The following SCOC variants were observed in gnomAD, a reference collection of about 807,000 sequenced individuals.
SCOC encodes the protein short coiled-coil protein.
Under a neutral mutation model 9.9 loss-of-function variants are expected in SCOC, and 7 were observed. That is an observed-to-expected ratio of 0.71 (90% confidence interval 0.40 to 1.33). The LOEUF (loss-of-function observed/expected upper bound fraction) is 1.33. SCOC is among the 40% of genes most tolerant of loss of function. The probability of loss-of-function intolerance (pLI) is 0.01; values close to 1 mark genes in which losing one functional copy is unlikely to be tolerated. For synonymous variants in SCOC, 19 were observed against 28.2 expected (o/e 0.67, Z 1.03); for missense variants, 66 against 89.7 (o/e 0.74, Z 1.07).
chr4:140,327,174 G>A (rs1023968638), intron 1 of SCOC, among the ~76,000 whole-genome samples: 2 of 152,176 alleles, frequency 1.3e-5, no homozygotes, highest in Non-Finnish European at 2.9e-5. Flanking sequence ...GTCCTCTAAG[G>A]AGTGTTAAGT....
chr4:140,317,795 C>T (rs1290285254), intron 1 of SCOC, among the ~76,000 whole-genome samples: 1 of 150,212 alleles, frequency 6.7e-6, no homozygotes, highest in Non-Finnish European at 1.5e-5. Flanking sequence ...CGCGCTGCAC[C>T]CACTAACTCG....
intron 1 of SCOC, among the ~76,000 whole-genome samples, chr4:140,325,726 G>A (rs1732624642): frequency 6.6e-6 from 1 of 152,244 alleles, no homozygotes; most frequent in Admixed American, 6.5e-5. Context: ...ATTCATTGCT[G>A]TTGAGCATAC....
intron 1 of SCOC, among the ~76,000 whole-genome samples, chr4:140,316,444 T>C (rs1011152283): frequency 1.3e-5 from 2 of 152,230 alleles, no homozygotes; most frequent in African/African-American, 4.8e-5. Context: ...CATGTTTGCA[T>C]ATAGATATAT....
At chr4:140,373,975 C>T in intron 1 of SCOC, 1 of 654,946 alleles carries the variant, frequency 1.5e-6, no homozygotes, top group Non-Finnish European at 2.8e-6. Flanking sequence ...CTCGCGGTCC[C>T]TGACGCAGAC....
upstream of SCOC, among the ~76,000 whole-genome samples, chr4:140,373,007 C>G (rs541645085): frequency 1.2e-4 from 18 of 152,314 alleles, no homozygotes; most frequent in South Asian, 8.3e-4. Context: ...TGCCTCAGTA[C>G]CACTAGGGTA....
At chr4:140,309,622 A>C (rs1194870530) in intron 1 of SCOC, among the ~76,000 whole-genome samples, 3 of 152,176 alleles carry the variant, frequency 2.0e-5, no homozygotes, top group Non-Finnish European at 4.4e-5. Flanking sequence ...TATCCAAATA[A>C]ATCTGGGCTT....
intron 2 of SCOC, among the ~76,000 whole-genome samples, chr4:140,356,449 C>A (rs1331335505): frequency 6.6e-6 from 1 of 152,202 alleles, no homozygotes; most frequent in Non-Finnish European, 1.5e-5. Flanking sequence ...TGATAATATC[C>A]TTTACAAAAA....
chr4:140,278,087 C>T (rs1731023491), intron 1 of SCOC, among the ~76,000 whole-genome samples: 2 of 152,200 alleles, frequency 1.3e-5, no homozygotes, highest in Admixed American at 1.3e-4. Context: ...TTGCCTTAGT[C>T]TGCTCCTGTT....
chr4:140,359,686 C>T (rs1183945622), intron 2 of SCOC, among the ~76,000 whole-genome samples: 1 of 152,190 alleles, frequency 6.6e-6, no homozygotes, highest in East Asian at 1.9e-4. Context: ...CAAGACGCCC[C>T]AGAAGTCTCA....
chr4:140,270,911 A>C (rs901661775), intron 1 of SCOC, among the ~76,000 whole-genome samples: 7 of 152,172 alleles, frequency 4.6e-5, no homozygotes, highest in African/African-American at 1.4e-4. Flanking sequence ...CCTGAGAAGT[A>C]AGTCATATCT....
intron 2 of SCOC, among the ~76,000 whole-genome samples, chr4:140,346,662 G>A (rs997590066): frequency 3.3e-5 from 5 of 152,206 alleles, no homozygotes; most frequent in African/African-American, 9.7e-5. Flanking sequence ...GGCAATGCCA[G>A]TAGTTACTCA....
chr4:140,284,994 ACT>A (rs1430328839), intron 1 of SCOC: 1 of 280,836 alleles, frequency 3.6e-6, no homozygotes, highest in African/African-American at 2.2e-5. Flanking sequence ...CCAATTGAAA[ACT>A]CTCATGATAA....
At chr4:140,346,048 C>T (rs897047221) in intron 2 of SCOC, among the ~76,000 whole-genome samples, 2 of 152,154 alleles carry the variant, frequency 1.3e-5, no homozygotes, top group South Asian at 2.1e-4. Flanking sequence ...CTTAAGGCCT[C>T]TCCAGGAAGT....
At chr4:140,361,229 T>G (rs79730989) in intron 2 of SCOC, among the ~76,000 whole-genome samples, 5 of 698 alleles carry the variant, frequency 7.2e-3, no homozygotes, top group Non-Finnish European at 0.013. Flanking sequence ...CGGCAGTGGG[T>G]TTTTTTTTTT....
chr4:140,316,507 CTG>C (rs1318463846), intron 1 of SCOC, among the ~76,000 whole-genome samples: 2 of 152,174 alleles, frequency 1.3e-5, no homozygotes, highest in Non-Finnish European at 2.9e-5. Flanking sequence ...AAGAGTCAAA[CTG>C]TGTCTTTGTT....
intron 1 of SCOC, among the ~76,000 whole-genome samples, chr4:140,292,087 T>C (rs1731491096): frequency 6.6e-6 from 1 of 151,964 alleles, no homozygotes; most frequent in South Asian, 2.1e-4. Context: ...CTTTTGATTG[T>C]GGCAGCATCC....
chr4:140,379,458 TG>T, intron 2 of SCOC, 110 bp from the exon 3 acceptor site: 1 of 812,072 alleles, frequency 1.2e-6, no homozygotes, highest in Non-Finnish European at 2.0e-6. Flanking sequence ...ACAGGGCTCT[TG>T]TATAAGTCAA....
At chr4:140,345,775 G>A (rs766516794) in intron 2 of SCOC, among the ~76,000 whole-genome samples, 2 of 152,158 alleles carry the variant, frequency 1.3e-5, no homozygotes, top group African/African-American at 4.8e-5. Flanking sequence ...GGGAGGCCCA[G>A]AGAGTCTAAA....
chr4:140,287,689 C>T (rs1048570544), intron 1 of SCOC, among the ~76,000 whole-genome samples: 1 of 152,066 alleles, frequency 6.6e-6, no homozygotes, highest in Admixed American at 6.5e-5. Flanking sequence ...TACACATACA[C>T]ACACCAAACA....
Sources: gnomAD v4.1 joint callset for allele counts (sites outside exome capture counted in the v4.1 genomes callset) on GRCh38, gnomAD v4.1.1 for gene constraint, MANE v1.5 for transcripts, NCBI Gene and HGNC (gene_info 2026-07-23, HGNC 2026-07-21) for gene names.